The following EML4 variants were observed in gnomAD, a reference collection of about 807,000 sequenced individuals.
The protein encoded by EML4 is EMAP like 4, also known as echinoderm microtubule-associated protein-like 4.
Under a neutral mutation model 129.0 loss-of-function variants are expected in EML4, and 72 were observed. That is an observed-to-expected ratio of 0.56 (90% confidence interval 0.46 to 0.68). EML4 has a LOEUF of 0.68. Among genes scored for constraint, EML4 ranks in the 30% least tolerant of loss-of-function variants. The pLI is 0.00. For synonymous variants in EML4, 532 were observed against 405.0 expected (o/e 1.31, Z -3.77); for missense variants, 1,363 against 1,190.6 (o/e 1.14, Z -2.13).
intron 17 of EML4, among the ~76,000 whole-genome samples, chr2:42,307,793 TACAGGCGCCC>T (rs1398682868): frequency 6.6e-6 from 1 of 152,192 alleles, no homozygotes; most frequent in Non-Finnish European, 1.5e-5. Context: ...TAGCTGGGAT[TACAGGCGCCC>T]ACCACCATAC....
Position 42,172,059 on chromosome 2 carries a change from CT to C in EML4, c.25+2436del, listed in dbSNP as rs79553687. On this transcript the variant is annotated intron_variant, in intron 1 of 22. Transcript: ENST00000318522. ...TTCTACTCTAGTAGGTGTTTAAAAA[CT>C]TTTTTTTTTTTTAAACAAGAAGTCA... 4.7e-3 allele frequency among the ~76,000 whole-genome samples: 681 copies of C among 144,118 alleles called. 2 individuals carry two copies. The highest frequency in any genetic ancestry group is 0.011 in the African/African-American group (429 of 39,518). 94.5% of individuals were successfully genotyped at this position (144,118 alleles called of 152,430 possible). A position where few individuals can be genotyped will look rare whatever the true frequency, so the allele number is the denominator to read the frequency against.
At chr2:42,178,613 C>A (rs943865625) in intron 1 of EML4, among the ~76,000 whole-genome samples, 1 of 152,124 alleles carries the variant, frequency 6.6e-6, no homozygotes, top group Non-Finnish European at 1.5e-5. Context: ...GTGCCTGTCA[C>A]GTGAGAGATC....
intron 2 of EML4, among the ~76,000 whole-genome samples, chr2:42,247,432 G>A (rs1375365856): frequency 2.6e-5 from 4 of 152,158 alleles, no homozygotes; most frequent in Non-Finnish European, 5.9e-5. Flanking sequence ...GGAAAGGTGA[G>A]TATCATTCTG....
chr2:42,305,523 C>G (rs1290110752), intron 17 of EML4, among the ~76,000 whole-genome samples: 2 of 152,088 alleles, frequency 1.3e-5, no homozygotes, highest in African/African-American at 2.4e-5. Flanking sequence ...CTTTTGCCAT[C>G]CTGTCTTTTT....
chr2:42,287,492 G>C (rs1412099409), intron 10 of EML4, among the ~76,000 whole-genome samples: 3 of 152,122 alleles, frequency 2.0e-5, no homozygotes, highest in Non-Finnish European at 4.4e-5. Context: ...GAGGAGAAGA[G>C]AGTAAGCTCT....
intron 3 of EML4, among the ~76,000 whole-genome samples, chr2:42,258,589 A>G (rs1467202128): frequency 6.6e-6 from 1 of 151,986 alleles, no homozygotes; most frequent in Non-Finnish European, 1.5e-5. Context: ...TAGTAGAAAC[A>G]GGGTTTCTCC....
chr2:42,264,886 A>G (rs2104399336), intron 6 of EML4, 155 bp downstream of exon 6: 1 of 1,548,084 alleles, frequency 6.5e-7, no homozygotes, highest in Non-Finnish European at 8.7e-7. Context: ...CCCAGTTTTT[A>G]TTGTAAGGTA....
intron 1 of EML4, among the ~76,000 whole-genome samples, chr2:42,204,962 A>G (rs1408637869): frequency 6.6e-6 from 1 of 152,188 alleles, no homozygotes; most frequent in Non-Finnish European, 1.5e-5. Context: ...CTATTACTAT[A>G]CCATATGGTT....
chr2:42,219,663 A>G (rs1673432570), intron 1 of EML4, among the ~76,000 whole-genome samples: 1 of 152,102 alleles, frequency 6.6e-6, no homozygotes, highest in South Asian at 2.1e-4. Context: ...CACGCCTGTA[A>G]TCCCAGGATT....
At chr2:42,319,277 A>G (rs1669400703) in intron 19 of EML4, among the ~76,000 whole-genome samples, 1 of 152,220 alleles carries the variant, frequency 6.6e-6, no homozygotes, top group South Asian at 2.1e-4. Flanking sequence ...ATTTTACTGT[A>G]CAACTGATCC....
chr2:42,317,051 G>C lies in EML4; in HGVS notation c.2057-376G>C, dbSNP rs377617017. 1.1e-4 allele frequency among the ~76,000 whole-genome samples: 16 copies of C among 152,276 alleles called. No homozygotes were observed. In the East Asian group the frequency reaches 2.9e-3, roughly 27 times the overall value. On this transcript the variant is annotated intron_variant, in intron 18 of 22. Transcript: ENST00000318522. The stretch of plus-strand genomic sequence containing the variant: ...GGACACCACAAAAGAAAGGAATATG[G>C]TGTCTTCCCAAGAGCACCTGTTCTG...
chr2:42,281,211 G>A (rs925014240), intron 7 of EML4, among the ~76,000 whole-genome samples: 2 of 152,074 alleles, frequency 1.3e-5, no homozygotes, highest in Admixed American at 1.3e-4. Context: ...AGTCAACATT[G>A]TGAAACCCCA....
intron 1 of EML4, among the ~76,000 whole-genome samples, chr2:42,192,233 T>G (rs1288961118): frequency 9.3e-5 from 13 of 140,526 alleles, no homozygotes; most frequent in East Asian, 4.0e-4. Context: ...TGTTTTTTTG[T>G]TTTTTTTTTT....
intron 1 of EML4, among the ~76,000 whole-genome samples, chr2:42,209,979 A>T (rs1672788889): frequency 6.6e-6 from 1 of 152,120 alleles, no homozygotes; most frequent in African/African-American, 2.4e-5. Flanking sequence ...AATAGACTTC[A>T]TTTAGAACAG....
rs1036684376 is a variant in EML4 at position 42,323,958 on chromosome 2, GAAAAGA to G, written c.2155-1497_2155-1492del. On this transcript the variant is annotated intron_variant, in intron 19 of 22. Coordinates refer to ENST00000318522, the MANE Select transcript of EML4 (RefSeq NM_019063.5). ...GACTCTGTCTCAATTAAAAAAAAAA[GAAAAGA>G]AAAAGAAAAAGTCTTAGAGGAAGAA... Among the ~76,000 whole-genome samples, 46 of 144,246 alleles carry G rather than the reference GAAAAGA, an allele frequency of 3.2e-4. 1 individual carries two copies. Among genetic ancestry groups the G allele is most frequent in the African/African-American group, 1.0e-3 (39 of 39,142 alleles). The allele number at this position is 144,246 out of a possible 152,430, so 94.6% of individuals were successfully genotyped here.
chr2:42,237,084 G>A (rs992612874), intron 1 of EML4, among the ~76,000 whole-genome samples: 1 of 152,094 alleles, frequency 6.6e-6, no homozygotes, highest in African/African-American at 2.4e-5. Flanking sequence ...GACTACAGGT[G>A]TGCCACCATG....
At chr2:42,325,604 AT>A (rs764243270) in intron 20 of EML4, 50 bp downstream of exon 20, 8,990 of 37,536 alleles carry the variant, frequency 0.24, 766 homozygotes, top group Non-Finnish European at 0.27. Context: ...GATTATATTT[AT>A]ATATATATAT....
intron 4 of EML4, 98 bp downstream of exon 4, chr2:42,261,392 A>G (rs962880886): frequency 3.6e-6 from 4 of 1,116,318 alleles, no homozygotes; most frequent in Non-Finnish European, 4.9e-6. Context: ...ATTCTGAGAG[A>G]AAAAGCTGGT....
At chr2:42,228,266 A>C (rs1674104940) in intron 1 of EML4, among the ~76,000 whole-genome samples, 1 of 151,984 alleles carries the variant, frequency 6.6e-6, no homozygotes, top group Non-Finnish European at 1.5e-5. Flanking sequence ...GAAAATTGCT[A>C]AGAGAGTAGA....
Sources: gnomAD v4.1 joint callset for allele counts (sites outside exome capture counted in the v4.1 genomes callset) on GRCh38, gnomAD v4.1.1 for gene constraint, MANE v1.5 for transcripts, NCBI Gene and HGNC (gene_info 2026-07-23, HGNC 2026-07-21) for gene names.